STPG2: variants seen among roughly 807,000 people sequenced by gnomAD.
STPG2 encodes the protein sperm tail PG-rich repeat containing 2.
Under a neutral mutation model 54.2 loss-of-function variants are expected in STPG2, and 56 were observed. The ratio of observed to expected loss-of-function variants is 1.03; its 90% CI spans 0.83 to 1.29. STPG2 has a LOEUF of 1.29. Among genes scored for constraint, STPG2 ranks in the 50% most tolerant of loss-of-function variants. The pLI, the probability that STPG2 is intolerant of heterozygous loss-of-function variation, is 0.00. For missense variants in STPG2, 596 were observed against 544.9 expected (o/e 1.09, Z -0.93); for synonymous variants, 200 against 181.8 (o/e 1.10, Z -0.81).
chr4:97,996,562 C>A (rs1205816860), intron 5 of STPG2, among the ~76,000 whole-genome samples: 1 of 152,208 alleles, frequency 6.6e-6, no homozygotes, highest in African/African-American at 2.4e-5. Context: ...GATTTCATGA[C>A]AAAGATGCCA....
chr4:98,045,787 T>TGCTTTCAAAATTCTCTAGCA (rs1737106621), intron 5 of STPG2, among the ~76,000 whole-genome samples: 1 of 152,158 alleles, frequency 6.6e-6, no homozygotes, highest in Non-Finnish European at 1.5e-5. Context: ...TTTCTCTAGC[T>TGCTTTCAAAATTCTCTAGCA]GCTTTCAAAA....
At chr4:97,798,317 T>C (rs888348748) in intron 9 of STPG2, among the ~76,000 whole-genome samples, 1 of 152,212 alleles carries the variant, frequency 6.6e-6, no homozygotes, top group Non-Finnish European at 1.5e-5. Flanking sequence ...CATGTGGGCA[T>C]ATAGTGCTAT....
intron 4 of STPG2, among the ~76,000 whole-genome samples, chr4:97,499,769 G>A (rs1156518445): frequency 6.6e-6 from 1 of 151,918 alleles, no homozygotes. Flanking sequence ...TAGATAGGTG[G>A]AGGTGGAGAT....
chr4:98,025,813 C>G, intron 5 of STPG2: 1 of 1,591,342 alleles, frequency 6.3e-7, no homozygotes, highest in Non-Finnish European at 8.5e-7. Context: ...GTGCCTTTAC[C>G]TGCTATTTGG....
rs972946565 is a variant in STPG2, at chr4:97,782,624, C to T, written c.1204+58149G>A. 4.6e-5 allele frequency among the ~76,000 whole-genome samples: 7 copies of T among 152,288 alleles called. No individual in the cohort carries two copies. In the East Asian group the frequency reaches 1.4e-3, roughly 29 times the overall value. ...GAAAAAAGCGCCTGCATTGCCAAGA[C>T]AATCCTAAGCCAAAAGAAGAAAGCT... On this transcript the variant is annotated intron_variant, in intron 9 of 10. Coordinates refer to ENST00000295268, the MANE Select transcript of STPG2 (RefSeq NM_174952.3).
At chr4:98,056,933 C>A (rs1488476529) in intron 5 of STPG2, among the ~76,000 whole-genome samples, 1 of 151,076 alleles carries the variant, frequency 6.6e-6, no homozygotes, top group Non-Finnish European at 1.5e-5. Context: ...TTTCCGGAGG[C>A]CCCCCCAACC....
chr4:97,976,242 A>C (rs1341424204), intron 6 of STPG2, among the ~76,000 whole-genome samples: 1 of 152,182 alleles, frequency 6.6e-6, no homozygotes, highest in Non-Finnish European at 1.5e-5. Flanking sequence ...TACAGTGGTA[A>C]TGTTTAGGAA....
intron 5 of STPG2, among the ~76,000 whole-genome samples, chr4:98,063,128 A>G (rs1737714454): frequency 6.6e-6 from 1 of 152,134 alleles, no homozygotes; most frequent in Admixed American, 6.5e-5. Context: ...TGAAAATGAA[A>G]AAGTCTTATA....
chr4:97,633,186 T>C lies in STPG2; in HGVS notation c.1321-74069A>G, dbSNP rs370315539. Among the ~76,000 whole-genome samples the C allele has an allele frequency of 2.0e-5, 3 of 152,176 alleles. No individual in the cohort carries two copies. The East Asian group carries it at 5.8e-4, about 29-fold the overall frequency. The stretch of plus-strand genomic sequence containing the variant: ...AATAATTGAATTGATCTAAAACTTA[T>C]AGAAGGACTTGCCATTGGATGACAG... On this transcript the variant is annotated intron_variant, in intron 10 of 10. Coordinates refer to ENST00000295268, the MANE Select transcript of STPG2 (RefSeq NM_174952.3).
At chr4:98,049,801 G>C (rs150726458) in intron 5 of STPG2, among the ~76,000 whole-genome samples, 35 of 152,252 alleles carry the variant, frequency 2.3e-4, no homozygotes, top group Admixed American at 1.9e-3. Context: ...ATTACAAAGA[G>C]AGAGAAAACA....
intron 4 of STPG2, among the ~76,000 whole-genome samples, chr4:97,523,044 A>G (rs1350778394): frequency 3.9e-5 from 6 of 152,038 alleles, no homozygotes; most frequent in Non-Finnish European, 8.8e-5. Context: ...GGAGCCAGCT[A>G]GTCAAACAAT....
chr4:97,684,328 T>G (rs1723121449), intron 10 of STPG2, among the ~76,000 whole-genome samples: 1 of 151,896 alleles, frequency 6.6e-6, no homozygotes, highest in Non-Finnish European at 1.5e-5. Context: ...ACTACCCTAC[T>G]TCAAGTCTAA....
At position 97,943,908 on chromosome 4, in the gene STPG2, C is replaced by T. The variant is rs761557604; in HGVS notation, c.1033G>A (p.Val345Ile). ...FLSRAKRTMK[V>I]PDMVIPAPGS... The stretch of plus-strand genomic sequence containing the variant: ...AGGAGTATTCTTACCATATCTGGTA[C>T]TTTCATAGTTCTTTTGGCTCTTGAC... Residue 345 changes from valine (V) to isoleucine (I), a missense_variant, in exon 8 of 11, where the codon GTA (valine) becomes ATA (isoleucine). Coordinates refer to ENST00000295268, the MANE Select transcript of STPG2 (RefSeq NM_174952.3). The T allele has an allele frequency of 6.4e-7, 1 of 1,572,556 alleles. No individual in the cohort carries two copies.
intron 9 of STPG2, among the ~76,000 whole-genome samples, chr4:97,804,694 A>C (rs1727499486): frequency 6.6e-6 from 1 of 152,174 alleles, no homozygotes; most frequent in African/African-American, 2.4e-5. Flanking sequence ...GCATTCACTC[A>C]ACATGCACTC....
intron 10 of STPG2, among the ~76,000 whole-genome samples, chr4:97,650,917 C>T (rs1340156030): frequency 4.0e-5 from 6 of 151,654 alleles, no homozygotes; most frequent in Non-Finnish European, 5.9e-5. Context: ...AAGTAAGTCA[C>T]GATATATAGG....
intron 10 of STPG2, among the ~76,000 whole-genome samples, chr4:97,684,131 T>C (rs2148981973): frequency 6.6e-6 from 1 of 151,976 alleles, no homozygotes. Flanking sequence ...ATATTTCAAG[T>C]TCATGAGTAA....
chr4:97,660,437 G>T (rs1722347836), intron 10 of STPG2, among the ~76,000 whole-genome samples: 1 of 152,180 alleles, frequency 6.6e-6, no homozygotes, highest in South Asian at 2.1e-4. Flanking sequence ...ACAATGACTA[G>T]AACCAGAATA....
At chr4:97,633,172 TG>T (rs1721353325) in intron 10 of STPG2, among the ~76,000 whole-genome samples, 2 of 152,194 alleles carry the variant, frequency 1.3e-5, no homozygotes, top group African/African-American at 4.8e-5. Context: ...ATAATTGAAT[TG>T]ATCTAAAACT....
intron 1 of STPG2, among the ~76,000 whole-genome samples, chr4:98,135,158 T>C (rs1456361807): frequency 6.6e-6 from 1 of 151,862 alleles, no homozygotes; most frequent in Admixed American, 6.6e-5. Context: ...AGCAGCTATA[T>C]TCAAACAGGT....
Sources: gnomAD v4.1 joint callset for allele counts (sites outside exome capture counted in the v4.1 genomes callset) on GRCh38, gnomAD v4.1.1 for gene constraint, MANE v1.5 for transcripts, NCBI Gene and HGNC (gene_info 2026-07-23, HGNC 2026-07-21) for gene names.